Variants in ROBO2 observed in about 807,000 individuals in gnomAD.
ROBO2 encodes roundabout guidance receptor 2.
Under a neutral mutation model 160.8 loss-of-function variants are expected in ROBO2, and 53 were observed. That is an observed-to-expected ratio of 0.33 (90% CI 0.26 to 0.41). The LOEUF (loss-of-function observed/expected upper bound fraction) is 0.41. Among genes scored for constraint, ROBO2 ranks in the 10% least tolerant of loss-of-function variants. The pLI is 1.00. For synonymous variants in ROBO2, 664 were observed against 611.7 expected, an observed-to-expected ratio of 1.09 and a Z score of -1.26; for missense variants, 1,577 against 1,722.4, an observed-to-expected ratio of 0.92 and a Z score of 1.49.
intron 2 of ROBO2, among the ~76,000 whole-genome samples, chr3:75,969,336 G>A (rs915546956): frequency 1.2e-4 from 18 of 151,074 alleles, no homozygotes; most frequent in African/African-American, 2.7e-4. Flanking sequence ...CCAGCAGGGG[G>A]ATTGTGGAGT....
In ROBO2 at chr3:76,507,857, ACT is replaced by A. The variant is rs1425764962; in HGVS notation, c.109+570260_109+570261del. Reference sequence around the variant, plus strand: ...AGAGTCCTCTAGTTTTAGGAAAACAACTCTCTGATCTGTCTCTTTCATAGGAA... The same window carrying A: ...AGAGTCCTCTAGTTTTAGGAAAACAACTCTGATCTGTCTCTTTCATAGGAA... On this transcript the variant is annotated intron_variant, in intron 2 of 26. Coordinates refer to the ROBO2 transcript ENST00000487694. Among the ~76,000 whole-genome samples, 3 of 152,016 alleles carry A rather than the reference ACT, an allele frequency of 2.0e-5. No homozygotes were observed. The East Asian group carries it at 5.8e-4, about 29-fold the overall frequency.
intron 2 of ROBO2, among the ~76,000 whole-genome samples, chr3:76,430,943 A>G (rs1315016668): frequency 1.3e-5 from 2 of 152,012 alleles, no homozygotes; most frequent in African/African-American, 4.8e-5. Context: ...AAATTATGAA[A>G]CTCTCTTACT....
intron 2 of ROBO2, among the ~76,000 whole-genome samples, chr3:77,309,066 T>G (rs2063331278): frequency 1.1e-3 from 1 of 942 alleles, no homozygotes; most frequent in Admixed American, 0.013. Flanking sequence ...TATTTATTGT[T>G]TTTTTTTTTT....
chr3:76,736,340 A>G (rs927854314), intron 2 of ROBO2, among the ~76,000 whole-genome samples: 10 of 144,362 alleles, frequency 6.9e-5, no homozygotes, highest in African/African-American at 2.5e-4. Flanking sequence ...CAAACGTATC[A>G]GTAGACACTG....
At chr3:76,408,315 A>G (rs775334379) in intron 2 of ROBO2, among the ~76,000 whole-genome samples, 2 of 152,034 alleles carry the variant, frequency 1.3e-5, no homozygotes, top group African/African-American at 2.4e-5. Flanking sequence ...GTTTTTTGCT[A>G]TTAAATTCAT....
chr3:76,169,843 A>G (rs9883502), intron 2 of ROBO2, among the ~76,000 whole-genome samples: 7,046 of 152,162 alleles, frequency 0.046, 373 homozygotes, highest in East Asian at 0.22. Flanking sequence ...GTGCAGTGGC[A>G]TGAACTCAGC....
At chr3:77,627,702 C>T (rs2095059992) in intron 23 of ROBO2, among the ~76,000 whole-genome samples, 1 of 152,096 alleles carries the variant, frequency 6.6e-6, no homozygotes, top group Admixed American at 6.5e-5. Context: ...ATTAATTTGT[C>T]TAAAGACATT....
intron 2 of ROBO2, among the ~76,000 whole-genome samples, chr3:76,519,861 A>G (rs1472054163): frequency 6.6e-6 from 1 of 152,166 alleles, no homozygotes; most frequent in Non-Finnish European, 1.5e-5. Flanking sequence ...GCTCTGATGC[A>G]TTGATACACT....
At chr3:77,219,817 A>G (rs2085539981) in intron 2 of ROBO2, among the ~76,000 whole-genome samples, 1 of 151,706 alleles carries the variant, frequency 6.6e-6, no homozygotes, top group South Asian at 2.1e-4. Context: ...CACATTGTGT[A>G]GAAAATTTGT....
chr3:77,298,779 C>T (rs1338155587), intron 2 of ROBO2, among the ~76,000 whole-genome samples: 4 of 152,294 alleles, frequency 2.6e-5, no homozygotes, highest in African/African-American at 9.6e-5. Flanking sequence ...TCTGTGCCTC[C>T]TGTGTGCATG....
intron 2 of ROBO2, among the ~76,000 whole-genome samples, chr3:77,280,845 T>A (rs139408092): frequency 3.9e-4 from 60 of 152,318 alleles, no homozygotes; most frequent in African/African-American, 1.4e-3. Flanking sequence ...TAGACACTCA[T>A]GTGGACACTG....
At chr3:77,491,602 A>T (rs2086120492) in intron 4 of ROBO2, among the ~76,000 whole-genome samples, 1 of 152,202 alleles carries the variant, frequency 6.6e-6, no homozygotes, top group Non-Finnish European at 1.5e-5. Context: ...GAAAAAAGTA[A>T]CACTAAATTA....
exon 22 of ROBO2, chr3:77,617,517 G>A: frequency 6.2e-7 from 1 of 1,614,086 alleles, no homozygotes. Context: ...TTTCAGCTAT[G>A]ACAGTGATAG....
At chr3:76,053,297 G>C (rs2067716690) in intron 2 of ROBO2, among the ~76,000 whole-genome samples, 1 of 152,062 alleles carries the variant, frequency 6.6e-6, no homozygotes, top group South Asian at 2.1e-4. Flanking sequence ...CTGAGACATA[G>C]AGCTTTGAGA....
At chr3:77,442,449 T>C (rs180733075) in intron 2 of ROBO2, among the ~76,000 whole-genome samples, 23 of 152,266 alleles carry the variant, frequency 1.5e-4, no homozygotes, top group African/African-American at 5.1e-4. Flanking sequence ...TTCAAACTTT[T>C]TTCACCCAAT....
chr3:76,217,883 C>G (rs965398904), intron 2 of ROBO2, among the ~76,000 whole-genome samples: 3 of 152,178 alleles, frequency 2.0e-5, no homozygotes, highest in African/African-American at 7.2e-5. Flanking sequence ...AAACCAATAT[C>G]CTTGATGAAC....
chr3:77,398,549 C>A (rs2075501685), intron 2 of ROBO2, among the ~76,000 whole-genome samples: 1 of 151,770 alleles, frequency 6.6e-6, no homozygotes, highest in Non-Finnish European at 1.5e-5. Context: ...TTACTGATAA[C>A]CTGGATTTTT....
At chr3:76,444,870 A>C (rs926368132) in intron 2 of ROBO2, among the ~76,000 whole-genome samples, 1 of 152,150 alleles carries the variant, frequency 6.6e-6, no homozygotes, top group Admixed American at 6.6e-5. Context: ...TGTTATTAAA[A>C]ATTTTCCTAC....
chr3:75,960,228 T>TGTCA (rs1948862976), intron 2 of ROBO2, among the ~76,000 whole-genome samples: 1 of 151,786 alleles, frequency 6.6e-6, no homozygotes. Context: ...GAGCAGCTGA[T>TGTCA]GTCAGTAGTT....
Sources: gnomAD v4.1 joint callset for allele counts (sites outside exome capture counted in the v4.1 genomes callset) on GRCh38, gnomAD v4.1.1 for gene constraint, MANE v1.5 for transcripts, NCBI Gene and HGNC (gene_info 2026-07-23, HGNC 2026-07-21) for gene names.